Variants in PCDH9 observed in about 807,000 individuals in gnomAD.
PCDH9 encodes the protein protocadherin 9, also known as protocadherin-9.
A neutral mutation model predicts 70.6 loss-of-function variants in PCDH9; 24 were observed. That is an observed-to-expected ratio of 0.34 (90% CI 0.25 to 0.48). PCDH9 has a LOEUF of 0.48. Among genes scored for constraint, PCDH9 ranks in the 20% least tolerant of loss-of-function variants. The pLI is 0.99. For missense variants in PCDH9, 1,281 were observed against 1,503.6 expected, an observed-to-expected ratio of 0.85 and a Z score of 2.45; for synonymous variants, 562 against 558.5, an observed-to-expected ratio of 1.01 and a Z score of -0.09.
intron 2 of PCDH9, among the ~76,000 whole-genome samples, chr13:67,060,200 T>A (rs1287704569): frequency 2.6e-5 from 4 of 152,196 alleles, no homozygotes; most frequent in Admixed American, 2.6e-4. Context: ...GGCTTGGCAC[T>A]CAATAGGAGC....
intron 3 of PCDH9, among the ~76,000 whole-genome samples, chr13:66,840,850 G>A (rs1027336214): frequency 6.6e-6 from 1 of 152,212 alleles, no homozygotes; most frequent in African/African-American, 2.4e-5. Flanking sequence ...TCCCCGAAGG[G>A]AGGTGCAAGA....
chr13:67,066,166 T>C (rs2085643254), intron 2 of PCDH9, among the ~76,000 whole-genome samples: 1 of 152,158 alleles, frequency 6.6e-6, no homozygotes, highest in African/African-American at 2.4e-5. Flanking sequence ...AACGATATAT[T>C]TGTGCATGTT....
chr13:66,643,964 G>T (rs1361868458), intron 3 of PCDH9, among the ~76,000 whole-genome samples: 3 of 151,792 alleles, frequency 2.0e-5, no homozygotes, highest in Non-Finnish European at 4.4e-5. Context: ...AACACAATTT[G>T]CCCTATGCAT....
intron 3 of PCDH9, among the ~76,000 whole-genome samples, chr13:66,811,529 T>C (rs1389887350): frequency 6.6e-6 from 1 of 152,096 alleles, no homozygotes; most frequent in East Asian, 1.9e-4. Context: ...TGGAAAAAGT[T>C]TTGCTCACTG....
At chr13:66,836,150 T>C (rs1163357225) in intron 3 of PCDH9, among the ~76,000 whole-genome samples, 3 of 152,164 alleles carry the variant, frequency 2.0e-5, no homozygotes, top group Non-Finnish European at 2.9e-5. Flanking sequence ...AAAGTGTATA[T>C]TTGTTTGAAT....
At chr13:67,032,049 T>A (rs1315969278) in intron 2 of PCDH9, among the ~76,000 whole-genome samples, 3 of 152,178 alleles carry the variant, frequency 2.0e-5, no homozygotes, top group African/African-American at 7.2e-5. Flanking sequence ...CAACAGAAAT[T>A]TTGCAATTAG....
chr13:66,958,548 T>C (rs1341322664), intron 2 of PCDH9, among the ~76,000 whole-genome samples: 2 of 152,204 alleles, frequency 1.3e-5, no homozygotes, highest in Non-Finnish European at 2.9e-5. Context: ...GCAGTTAATA[T>C]TGAAGGGCTG....
intron 3 of PCDH9, among the ~76,000 whole-genome samples, chr13:66,867,827 T>A (rs897384820): frequency 6.6e-6 from 1 of 151,898 alleles, no homozygotes; most frequent in African/African-American, 2.4e-5. Flanking sequence ...AAAAAATCCT[T>A]TTTTTTATCC....
chr13:66,811,310 C>G (rs1372792888), intron 3 of PCDH9, among the ~76,000 whole-genome samples: 2 of 152,014 alleles, frequency 1.3e-5, no homozygotes, highest in Admixed American at 1.3e-4. Flanking sequence ...GGCCCAAAAC[C>G]GCTGGATTAA....
At chr13:66,625,661 ATTTT>A (rs56865546) in intron 4 of PCDH9, among the ~76,000 whole-genome samples, 7 of 122,978 alleles carry the variant, frequency 5.7e-5, no homozygotes, top group African/African-American at 8.7e-5. Context: ...ATATAGTGGA[ATTTT>A]TTTTTTTTTT....
chr13:67,012,412 A>G (rs1486394032), intron 2 of PCDH9, among the ~76,000 whole-genome samples: 1 of 151,980 alleles, frequency 6.6e-6, no homozygotes, highest in Admixed American at 6.6e-5. Flanking sequence ...AGGCACAACA[A>G]GTAAGTTATT....
At chr13:67,085,917 C>A (rs1017467537) in intron 2 of PCDH9, among the ~76,000 whole-genome samples, 3 of 152,244 alleles carry the variant, frequency 2.0e-5, no homozygotes, top group African/African-American at 7.2e-5. Context: ...GTTTCAGAAT[C>A]CGTCAAGTGA....
At chr13:66,721,977 C>A (rs536609986) in intron 3 of PCDH9, among the ~76,000 whole-genome samples, 1 of 152,130 alleles carries the variant, frequency 6.6e-6, no homozygotes, top group Non-Finnish European at 1.5e-5. Context: ...TTTATGAACA[C>A]GGACCTCAAG....
chr13:67,069,557 T>C (rs1451931047), intron 2 of PCDH9, among the ~76,000 whole-genome samples: 1 of 152,126 alleles, frequency 6.6e-6, no homozygotes, highest in Non-Finnish European at 1.5e-5. Flanking sequence ...ATCAGACCAG[T>C]TACAAGCCTG....
chr13:67,072,605 T>C (rs943680583), intron 2 of PCDH9, among the ~76,000 whole-genome samples: 2 of 152,106 alleles, frequency 1.3e-5, no homozygotes, highest in Admixed American at 6.6e-5. Flanking sequence ...GAAAGAGATA[T>C]TGCATTTTCT....
At chr13:66,477,211 A>G (rs887567196) in intron 4 of PCDH9, among the ~76,000 whole-genome samples, 7 of 152,136 alleles carry the variant, frequency 4.6e-5, no homozygotes, top group African/African-American at 7.2e-5. Flanking sequence ...CTAGAGTCAG[A>G]CATACCTGAA....
intron 2 of PCDH9, chr13:67,214,149 A>C (rs1256550802): frequency 6.6e-6 from 1 of 152,230 alleles, no homozygotes; most frequent in East Asian, 1.9e-4. Flanking sequence ...ACATACTCAA[A>C]CATTACAAAC....
At chr13:66,895,665 T>G (rs2082166007) in intron 3 of PCDH9, among the ~76,000 whole-genome samples, 1 of 152,222 alleles carries the variant, frequency 6.6e-6, no homozygotes, top group African/African-American at 2.4e-5. Context: ...CAATGGATTT[T>G]AAAAGAACTT....
intron 3 of PCDH9, among the ~76,000 whole-genome samples, chr13:66,691,738 A>C (rs2078489975): frequency 6.6e-6 from 1 of 152,200 alleles, no homozygotes; most frequent in African/African-American, 2.4e-5. Context: ...GAAAACAAGA[A>C]CAAGATAAAG....
Sources: allele counts gnomAD v4.1 joint callset (sites outside exome capture counted in the v4.1 genomes callset), GRCh38; gene constraint gnomAD v4.1.1; transcripts MANE v1.5; gene names NCBI Gene and HGNC (gene_info 2026-07-23, HGNC 2026-07-21).